Variants in CHRM3 observed in about 807,000 individuals in gnomAD.
The protein encoded by CHRM3 is cholinergic receptor muscarinic 3, also known as muscarinic acetylcholine receptor M3.
A neutral mutation model predicts 41.8 loss-of-function variants in CHRM3; 11 were observed. That is an observed-to-expected ratio of 0.26 (90% CI 0.17 to 0.44). CHRM3 has a LOEUF of 0.44. CHRM3 is among the 20% of genes least tolerant of loss of function. The pLI is 1.00. For missense variants in CHRM3, 571 were observed against 745.4 expected, an observed-to-expected ratio of 0.77 and a Z score of 2.72; for synonymous variants, 297 against 301.4, an observed-to-expected ratio of 0.99 and a Z score of 0.15.
chr1:239,567,602 T>A (rs1343074785), intron 3 of CHRM3, among the ~76,000 whole-genome samples: 2 of 152,132 alleles, frequency 1.3e-5, no homozygotes, highest in African/African-American at 4.8e-5. Context: ...TACTCCTCAT[T>A]CTCTGGGGAA....
intron 3 of CHRM3, among the ~76,000 whole-genome samples, chr1:239,627,607 TTA>T (rs1355259829): frequency 7.1e-6 from 1 of 141,802 alleles, no homozygotes; most frequent in Non-Finnish European, 1.5e-5. Context: ...TCGATGGTCT[TTA>T]CATTTTGGCA....
chr1:239,660,246 G>A (rs1450198037), intron 4 of CHRM3, among the ~76,000 whole-genome samples: 2 of 151,994 alleles, frequency 1.3e-5, no homozygotes, highest in Non-Finnish European at 2.9e-5. Context: ...GCCTCCCAAA[G>A]TACTGGGATT....
rs76688624 is a variant in CHRM3 at position 239,542,354 on chromosome 1, A to G, written c.-421-3287A>G. On this transcript the variant is annotated intron_variant, in intron 2 of 6. Transcript: ENST00000676153. ...GAGGCACCCCAAATTAGAAGATGTT[A>G]TCTACTCAGAGAAAACAGGAGGAGC... 4.3e-4 allele frequency among the ~76,000 whole-genome samples: 66 copies of G among 152,310 alleles called. No individual in the cohort carries two copies. In the East Asian group the frequency reaches 0.012, roughly 28 times the overall value.
chr1:239,913,042 T>C lies in CHRM3; in HGVS notation c.*3818T>C, dbSNP rs895419566. 4 of 167,106 alleles carry C rather than the reference T, an allele frequency of 2.4e-5. No homozygotes were observed. The highest frequency in any genetic ancestry group is 5.9e-5 in the Non-Finnish European group (4 of 68,122). 10.4% of individuals were successfully genotyped at this position (167,106 alleles called of 1,614,324 possible). On this transcript the variant is annotated 3_prime_UTR_variant, in exon 7 of 7. Coordinates refer to ENST00000676153, the MANE Select transcript of CHRM3 (RefSeq NM_001375978.1). ...ATCGGTCAAAACTGAGGTCAGCAGC[T>C]ACCATGACGAAAGTAAAATGGTATA...
At chr1:239,746,838 ACCTCTG>A (rs1206576941) in intron 5 of CHRM3, among the ~76,000 whole-genome samples, 1 of 151,774 alleles carries the variant, frequency 6.6e-6, no homozygotes, top group African/African-American at 2.4e-5. Flanking sequence ...GCTCACTGCA[ACCTCTG>A]CCTCCCGGGT....
chr1:239,886,599 G>A (rs1455872784), intron 6 of CHRM3: 1 of 152,210 alleles, frequency 6.6e-6, no homozygotes, highest in Non-Finnish European at 1.5e-5. Context: ...TTGTAGGCAA[G>A]TCCATCGATT....
At chr1:239,667,479 G>A (rs1056162986) in intron 4 of CHRM3, among the ~76,000 whole-genome samples, 3 of 152,072 alleles carry the variant, frequency 2.0e-5, no homozygotes, top group South Asian at 2.1e-4. Context: ...CTATCAGGAC[G>A]GCTTTTCATG....
chr1:239,467,020 T>G (rs922508831), intron 1 of CHRM3, among the ~76,000 whole-genome samples: 2 of 152,134 alleles, frequency 1.3e-5, no homozygotes, highest in African/African-American at 4.8e-5. Flanking sequence ...TAATACATTT[T>G]TTTCAAATAA....
At chr1:239,431,319 T>C (rs532035015) in intron 1 of CHRM3, among the ~76,000 whole-genome samples, 118 of 152,232 alleles carry the variant, frequency 7.8e-4, no homozygotes, top group Non-Finnish European at 1.4e-3. Context: ...TGTTCAAGTC[T>C]GCTTAATTGT....
At chr1:239,786,714 C>T (rs1446097115) in intron 5 of CHRM3, among the ~76,000 whole-genome samples, 2 of 130,704 alleles carry the variant, frequency 1.5e-5, no homozygotes, top group African/African-American at 6.7e-5. Context: ...GCGGGCCTTC[C>T]ACAGCGAGGC....
chr1:239,720,704 A>G (rs1662882931), intron 5 of CHRM3, among the ~76,000 whole-genome samples: 1 of 152,008 alleles, frequency 6.6e-6, no homozygotes, highest in Non-Finnish European at 1.5e-5. Context: ...AAATGCACGA[A>G]TAAGCATGAT....
chr1:239,682,043 T>TA (rs1658620901), intron 5 of CHRM3, among the ~76,000 whole-genome samples: 1 of 152,332 alleles, frequency 6.6e-6, no homozygotes, highest in Non-Finnish European at 1.5e-5. Context: ...GTTCTGTGTT[T>TA]AAAAAAACAG....
At chr1:239,689,851 G>A (rs1029394836) in intron 5 of CHRM3, among the ~76,000 whole-genome samples, 1 of 152,132 alleles carries the variant, frequency 6.6e-6, no homozygotes, top group Non-Finnish European at 1.5e-5. Flanking sequence ...AATTAGGGGA[G>A]ATTTGGGAAT....
intron 3 of CHRM3, among the ~76,000 whole-genome samples, chr1:239,599,444 T>C (rs1665236199): frequency 7.6e-6 from 1 of 131,934 alleles, no homozygotes; most frequent in South Asian, 2.4e-4. Context: ...TTTTTTTTTT[T>C]CTGACACTGT....
In CHRM3 at chr1:239,666,148, A is replaced by T. The variant is rs561500171; in HGVS notation, c.-249-12038A>T. The stretch of plus-strand genomic sequence containing the variant: ...ACACTCCCACTAACAGTGTAAAAGC[A>T]TTCCTATTTCTCCACATCCTCTCCA... On this transcript the variant is annotated intron_variant, in intron 4 of 6. Coordinates refer to ENST00000676153, the MANE Select transcript of CHRM3 (RefSeq NM_001375978.1). 1.7e-4 allele frequency among the ~76,000 whole-genome samples: 26 copies of T among 151,178 alleles called. No individual in the cohort carries two copies. In the South Asian group the frequency reaches 5.5e-3, roughly 32 times the overall value.
intron 3 of CHRM3, among the ~76,000 whole-genome samples, chr1:239,560,885 C>G (rs1351992940): frequency 2.0e-5 from 3 of 152,074 alleles, no homozygotes; most frequent in Admixed American, 6.6e-5. Flanking sequence ...ACACCTCCCC[C>G]AAACTTGTTT....
In CHRM3 at chr1:239,868,403, G is replaced by A. The variant is rs147240277; in HGVS notation, c.-19-39030G>A. On this transcript the variant is annotated intron_variant, in intron 6 of 6. Transcript: ENST00000676153. The stretch of plus-strand genomic sequence containing the variant: ...ACCACACAGAGGTCCTTTTCCCGTG[G>A]TTCTCATTCCTTCTTTCTCCCTCTC... 5.9e-3 allele frequency among the ~76,000 whole-genome samples: 892 copies of A among 152,282 alleles called. 7 individuals are homozygous for A. Among genetic ancestry groups the A allele is most frequent in the African/African-American group, 0.019 (806 of 41,548 alleles).
At chr1:239,591,606 G>GA (rs75163797) in intron 3 of CHRM3, among the ~76,000 whole-genome samples, 149 of 138,016 alleles carry the variant, frequency 1.1e-3, no homozygotes, top group East Asian at 2.1e-3. Flanking sequence ...TCTTGGAGAT[G>GA]AAAAAAAAAA....
At chr1:239,511,942 A>C (rs1558278910) in intron 2 of CHRM3, among the ~76,000 whole-genome samples, 1 of 152,172 alleles carries the variant, frequency 6.6e-6, no homozygotes, top group Admixed American at 6.5e-5. Context: ...AAAAAGAGGA[A>C]TCTGGTAGGA....
Sources: gnomAD v4.1 joint callset for allele counts (sites outside exome capture counted in the v4.1 genomes callset) on GRCh38, gnomAD v4.1.1 for gene constraint, MANE v1.5 for transcripts, NCBI Gene and HGNC (gene_info 2026-07-23, HGNC 2026-07-21) for gene names.